The following NEK10 variants were observed in gnomAD, a reference collection of about 807,000 sequenced individuals.
NEK10 encodes serine/threonine-protein kinase Nek10.
A neutral mutation model predicts 159.8 loss-of-function variants in NEK10; 122 were observed. That is an observed-to-expected ratio of 0.76 (90% CI 0.66 to 0.89). The LOEUF (loss-of-function observed/expected upper bound fraction) is 0.89. NEK10 is among the 40% of genes least tolerant of loss of function. The pLI, the probability that NEK10 is intolerant of heterozygous loss-of-function variation, is 0.00. For missense variants in NEK10, 1,342 were observed against 1,323.1 expected, an observed-to-expected ratio of 1.01 and a Z score of -0.22; for synonymous variants, 466 against 457.1, an observed-to-expected ratio of 1.02 and a Z score of -0.25.
At chr3:27,236,725 G>T (rs1198690320) in intron 23 of NEK10, among the ~76,000 whole-genome samples, 1 of 152,104 alleles carries the variant, frequency 6.6e-6, no homozygotes, top group East Asian at 1.9e-4. Context: ...GCCTTAAAGG[G>T]CAATAAAGAT....
chr3:27,281,919 G>A (rs770465743), intron 22 of NEK10, among the ~76,000 whole-genome samples: 1 of 152,100 alleles, frequency 6.6e-6, no homozygotes, highest in Non-Finnish European at 1.5e-5. Flanking sequence ...TCTTCTGGAA[G>A]ATTTGGAGAA....
At chr3:27,249,480 CT>C (rs1955431883) in intron 23 of NEK10, among the ~76,000 whole-genome samples, 2 of 152,102 alleles carry the variant, frequency 1.3e-5, no homozygotes, top group African/African-American at 4.8e-5. Flanking sequence ...TAATGACTTT[CT>C]TTGTCTCTTC....
At chr3:27,213,538 GC>G (rs1481999360) in intron 23 of NEK10, among the ~76,000 whole-genome samples, 1 of 152,206 alleles carries the variant, frequency 6.6e-6, no homozygotes, top group South Asian at 2.1e-4. Context: ...AAAATTTTAA[GC>G]CCCTCGACCG....
chr3:27,211,181 C>G lies in NEK10; in HGVS notation c.2091-8624G>C, dbSNP rs146407038. 1.6e-3 allele frequency among the ~76,000 whole-genome samples: 239 copies of G among 152,234 alleles called. 2 individuals are homozygous for G. Among genetic ancestry groups the G allele is most frequent in the African/African-American group, 5.6e-3 (233 of 41,534 alleles). On this transcript the variant is annotated intron_variant, in intron 23 of 35. Coordinates refer to ENST00000691995, the MANE Select transcript of NEK10 (RefSeq NM_001394966.1). ...ATCAGTGGACATTGACAGAATGACA[C>G]AATTGATTTCAGATCATTTCATGCG...
chr3:27,337,268 G>A (rs937444043), intron 5 of NEK10, among the ~76,000 whole-genome samples: 2 of 151,960 alleles, frequency 1.3e-5, no homozygotes, highest in East Asian at 1.9e-4. Context: ...TGTGACCAAC[G>A]AGGTAAAAGA....
At chr3:27,255,142 T>C (rs1048377303) in intron 23 of NEK10, 2 of 162,814 alleles carry the variant, frequency 1.2e-5, no homozygotes, top group African/African-American at 4.8e-5. Flanking sequence ...GTTTATTTTA[T>C]AAAAACAGTA....
intron 5 of NEK10, among the ~76,000 whole-genome samples, chr3:27,342,365 G>T (rs545164800): frequency 2.1e-4 from 32 of 152,280 alleles, no homozygotes; most frequent in African/African-American, 7.5e-4. Context: ...GTTACATGGG[G>T]TGAGGCACAA....
At chr3:27,365,676 G>A (rs183895797) in intron 1 of NEK10, among the ~76,000 whole-genome samples, 113 of 131,360 alleles carry the variant, frequency 8.6e-4, no homozygotes, top group Middle Eastern at 5.2e-3. Flanking sequence ...GCAGTAGCAC[G>A]ATCTCAGCTC....
At chr3:27,153,319 C>CAAAAAA (rs34333130) in intron 30 of NEK10, among the ~76,000 whole-genome samples, 1 of 90,658 alleles carries the variant, frequency 1.1e-5, no homozygotes, top group Non-Finnish European at 2.2e-5. Context: ...GACTCCATCT[C>CAAAAAA]AAAAAAAAAA....
At chr3:27,219,999 G>A in intron 23 of NEK10, among the ~76,000 whole-genome samples, 1 of 152,056 alleles carries the variant, frequency 6.6e-6, no homozygotes, top group East Asian at 1.9e-4. Flanking sequence ...AAAACTTAGG[G>A]ATAAATTTAA....
At chr3:27,232,942 C>T (rs1575376898) in intron 23 of NEK10, among the ~76,000 whole-genome samples, 1 of 151,246 alleles carries the variant, frequency 6.6e-6, no homozygotes, top group African/African-American at 2.4e-5. Flanking sequence ...AATCTAACAC[C>T]TGAATCAGAA....
chr3:27,238,076 A>C (rs1393605375), intron 23 of NEK10, among the ~76,000 whole-genome samples: 1 of 152,226 alleles, frequency 6.6e-6, no homozygotes, highest in Non-Finnish European at 1.5e-5. Context: ...CTAGAGGCTA[A>C]CTTTGCCACA....
chr3:27,362,336 C>T (rs192975277), intron 1 of NEK10, among the ~76,000 whole-genome samples: 29 of 152,216 alleles, frequency 1.9e-4, no homozygotes, highest in Non-Finnish European at 8.8e-5. Context: ...AGCCAGCTTA[C>T]GGAACTGCTA....
chr3:27,290,575 G>A (rs2042926737), intron 19 of NEK10, 42 bp downstream of exon 19: 1 of 1,444,574 alleles, frequency 6.9e-7, no homozygotes, highest in African/African-American at 1.4e-5. Flanking sequence ...GCAATGACAT[G>A]TATTTAAGAA....
At chr3:27,261,931 G>A (rs74871668) in intron 22 of NEK10, among the ~76,000 whole-genome samples, 1 of 152,068 alleles carries the variant, frequency 6.6e-6, no homozygotes, top group African/African-American at 2.4e-5. Context: ...TATATATTTA[G>A]GATAGCTAGC....
chr3:27,202,506 T>G lies in NEK10; in HGVS notation c.2142A>C (p.Ala714=), dbSNP rs982256260. The G allele has an allele frequency of 6.2e-7, 1 of 1,613,178 alleles. No individual in the cohort carries two copies. The highest frequency in any genetic ancestry group is 8.5e-7 in the Non-Finnish European group (1 of 1,179,510). Reference sequence around the variant, plus strand: ...CCATCTGATAAAGGATGCAGCCTACTGCCCAGACATCAGCCTTCTCCCCAT... The same window carrying G: ...CCATCTGATAAAGGATGCAGCCTACGGCCCAGACATCAGCCTTCTCCCCAT... The part of the protein sequence containing the change: ...EPYGEKADVW[A]VGCILYQMAT... The change falls in exon 24 of 36, where the codon GCA becomes GCC. Residue 714 remains alanine, a synonymous_variant. Coordinates refer to ENST00000691995, the MANE Select transcript of NEK10 (RefSeq NM_001394966.1).
intron 23 of NEK10, among the ~76,000 whole-genome samples, chr3:27,237,052 T>C (rs781614927): frequency 6.6e-5 from 10 of 152,048 alleles, no homozygotes; most frequent in Non-Finnish European, 7.4e-5. Flanking sequence ...GGGTATTAAT[T>C]ATTAATATTC....
intron 31 of NEK10, among the ~76,000 whole-genome samples, chr3:27,140,751 C>A (rs1254730079): frequency 6.6e-6 from 1 of 152,056 alleles, no homozygotes; most frequent in Non-Finnish European, 1.5e-5. Context: ...TGGATGTATC[C>A]CAAGTCCCTA....
intron 19 of NEK10, among the ~76,000 whole-genome samples, chr3:27,289,068 A>G (rs2042816350): frequency 6.6e-6 from 1 of 152,186 alleles, no homozygotes; most frequent in African/African-American, 2.4e-5. Flanking sequence ...GATCCTCCTC[A>G]TCTCACCTTG....
Sources: allele counts gnomAD v4.1 joint callset (sites outside exome capture counted in the v4.1 genomes callset), GRCh38; gene constraint gnomAD v4.1.1; transcripts MANE v1.5; gene names NCBI Gene and HGNC (gene_info 2026-07-23, HGNC 2026-07-21).